Variants in QTMAN observed in about 807,000 individuals in gnomAD.
QTMAN encodes tRNA-queuosine alpha-mannosyltransferase.
At chr2:144,007,220 A>G in the QTMAN span, 1 of 1,608,790 alleles carries the variant, frequency 6.2e-7, no homozygotes. Flanking sequence ...GTCTTTGCTG[A>G]TTATCAACTC....
At chr2:143,990,842 T>A in the QTMAN span, among the ~76,000 whole-genome samples, 3 of 152,130 alleles carry the variant, frequency 2.0e-5, no homozygotes, top group African/African-American at 7.2e-5. Context: ...AAACATGGGA[T>A]ACAAAAGTAG....
At chr2:144,182,955 T>C in the QTMAN span, among the ~76,000 whole-genome samples, 1 of 131,534 alleles carries the variant, frequency 7.6e-6, no homozygotes, top group African/African-American at 2.7e-5. Flanking sequence ...TGTCCATACA[T>C]AAGAACAGGA....
At chr2:144,254,872 A>C in the QTMAN span, among the ~76,000 whole-genome samples, 1 of 152,208 alleles carries the variant, frequency 6.6e-6, no homozygotes, top group Admixed American at 6.5e-5. Context: ...TCATTTTGCA[A>C]CTTTAAGGTT....
the QTMAN span, among the ~76,000 whole-genome samples, chr2:144,236,464 C>T: frequency 2.0e-5 from 3 of 151,874 alleles, no homozygotes; most frequent in African/African-American, 4.8e-5. Context: ...AGTCAGGATT[C>T]CTAAGAATAT....
chr2:143,991,087 CATGAAAAAT>C, the QTMAN span, among the ~76,000 whole-genome samples: 5 of 151,758 alleles, frequency 3.3e-5, no homozygotes, highest in African/African-American at 1.2e-4. Flanking sequence ...TATAAAAAGA[CATGAAAAAT>C]ATGAAAAAAA....
chr2:143,949,601 A>C, the QTMAN span, among the ~76,000 whole-genome samples: 1 of 151,952 alleles, frequency 6.6e-6, no homozygotes, highest in Non-Finnish European at 1.5e-5. Context: ...CATATGTTTT[A>C]TAAAAGCAAA....
the QTMAN span, among the ~76,000 whole-genome samples, chr2:144,258,535 T>G: frequency 6.6e-6 from 1 of 152,212 alleles, no homozygotes; most frequent in African/African-American, 2.4e-5. Flanking sequence ...TTCAGAGTTG[T>G]AAGGCAAAGA....
chr2:144,270,268 C>A, the QTMAN span, among the ~76,000 whole-genome samples: 1 of 152,078 alleles, frequency 6.6e-6, no homozygotes, highest in Non-Finnish European at 1.5e-5. Flanking sequence ...GGATCTAGAA[C>A]CAGAAATACC....
the QTMAN span, among the ~76,000 whole-genome samples, chr2:144,115,262 C>A: frequency 3.7e-4 from 55 of 149,022 alleles, 1 homozygote; most frequent in Admixed American, 1.1e-3. Context: ...ACAACAACAA[C>A]AAAAACTGAA....
chr2:144,137,913 C>A, the QTMAN span, among the ~76,000 whole-genome samples: 107 of 152,158 alleles, frequency 7.0e-4, no homozygotes, highest in South Asian at 0.01. Context: ...CTTTACTTAA[C>A]CTCGCTGCTG....
the QTMAN span, among the ~76,000 whole-genome samples, chr2:144,320,106 G>A: frequency 6.6e-6 from 1 of 152,188 alleles, no homozygotes; most frequent in African/African-American, 2.4e-5. Flanking sequence ...AATATTTTGT[G>A]ACATGTGAAG....
chr2:143,949,889 C>T, the QTMAN span, among the ~76,000 whole-genome samples: 102 of 151,742 alleles, frequency 6.7e-4, no homozygotes, highest in South Asian at 4.8e-3. Context: ...CAAACTAAAT[C>T]TGTGGTCCTT....
At chr2:144,112,294 C>T in the QTMAN span, among the ~76,000 whole-genome samples, 4 of 152,068 alleles carry the variant, frequency 2.6e-5, no homozygotes, top group Non-Finnish European at 4.4e-5. Flanking sequence ...TAAGTAACAA[C>T]GAAAAACACT....
chr2:144,049,621 A>G, the QTMAN span, among the ~76,000 whole-genome samples: 2 of 152,192 alleles, frequency 1.3e-5, no homozygotes, highest in Non-Finnish European at 2.9e-5. Flanking sequence ...CACATTCAAC[A>G]GCAACTTTCT....
chr2:144,156,877 C>G, the QTMAN span, among the ~76,000 whole-genome samples: 3 of 151,984 alleles, frequency 2.0e-5, no homozygotes, highest in Non-Finnish European at 4.4e-5. Context: ...TCTAACACTA[C>G]AGAAAGAAGG....
chr2:144,242,434 A>G, the QTMAN span, among the ~76,000 whole-genome samples: 3 of 152,154 alleles, frequency 2.0e-5, no homozygotes, highest in African/African-American at 2.4e-5. Context: ...CACTAATCCA[A>G]CCAACACTGA....
chr2:143,980,777 CCTCT>C, the QTMAN span, among the ~76,000 whole-genome samples: 35 of 152,258 alleles, frequency 2.3e-4, no homozygotes, highest in East Asian at 6.7e-3. Context: ...CTTACGACTC[CCTCT>C]GCCAATCCAG....
At chr2:144,195,387 A>C in the QTMAN span, among the ~76,000 whole-genome samples, 1 of 152,162 alleles carries the variant, frequency 6.6e-6, no homozygotes, top group African/African-American at 2.4e-5. Context: ...TTTAATACTC[A>C]TTAATAGATG....
At chr2:144,249,558 T>C in the QTMAN span, among the ~76,000 whole-genome samples, 4 of 152,210 alleles carry the variant, frequency 2.6e-5, no homozygotes, top group East Asian at 3.8e-4. Flanking sequence ...GACAATTATA[T>C]GGAAAAAGGA....
Sources: gnomAD v4.1 joint callset for allele counts (sites outside exome capture counted in the v4.1 genomes callset) on GRCh38, gnomAD v4.1.1 for gene constraint, MANE v1.5 for transcripts, NCBI Gene and HGNC (gene_info 2026-07-23, HGNC 2026-07-21) for gene names.